RNF19A: variants seen among roughly 807,000 people sequenced by gnomAD.
The protein encoded by RNF19A is ring finger protein 19A, RBR E3 ubiquitin protein ligase, also known as E3 ubiquitin-protein ligase RNF19A.
A neutral mutation model predicts 75.7 loss-of-function variants in RNF19A; 32 were observed. The observed-to-expected ratio is 0.42, with a 90% CI of 0.32 to 0.57. The LOEUF (loss-of-function observed/expected upper bound fraction) is 0.57, where lower values mean the gene tolerates loss of function less well. Among genes scored for constraint, RNF19A ranks in the 20% least tolerant of loss-of-function variants. The probability of loss-of-function intolerance (pLI) is 0.10; values close to 1 mark genes in which losing one functional copy is unlikely to be tolerated. For missense variants in RNF19A, 782 were observed against 1,036.3 expected (o/e 0.75, Z 3.37); for synonymous variants, 335 against 345.2 (o/e 0.97, Z 0.33).
At position 100,322,645 on chromosome 8, in the gene RNF19A, G is replaced by C. The variant is rs190014154; in HGVS notation, c.-242-9273C>G. 4.4e-4 allele frequency among the ~76,000 whole-genome samples: 67 copies of C among 152,302 alleles called. No homozygotes were observed. The highest frequency in any genetic ancestry group is 7.4e-4 in the Non-Finnish European group (50 of 68,020). ...AGCTTTCAGCCTATCTCAGCTTTTG[G>C]CCTGCCTTCCTCATTAAGCTTAATC... On this transcript the variant is annotated intron_variant, in intron 1 of 3. Transcript: ENST00000519527. The surrounding 1 kb of genome is among the most constrained non-coding windows in gnomAD (Gnocchi z 5.1).
chr8:100,289,912 T>C (rs1356253112), intron 1 of RNF19A, among the ~76,000 whole-genome samples: 1 of 152,170 alleles, frequency 6.6e-6, no homozygotes, highest in Non-Finnish European at 1.5e-5. Flanking sequence ...AACTGTAGAA[T>C]GAATACATAA....
In RNF19A at chr8:100,264,612, C is replaced by A; in HGVS notation, c.1306+59G>T. The A allele has an allele frequency of 9.0e-7, 1 of 1,116,114 alleles. No individual in the cohort carries two copies. The highest frequency in any genetic ancestry group is 1.3e-6 in the Non-Finnish European group (1 of 755,516). The allele number at this position is 1,116,114 out of a possible 1,614,324, so 69.1% of individuals were successfully genotyped here. A position where few individuals can be genotyped will look rare whatever the true frequency, so the allele number is the denominator to read the frequency against. ...TAAAAAACAATTAAAAAAAATCCTT[C>A]CACAAAACTTTAACTCCATAAAATT... On this transcript the variant is annotated intron_variant, in intron 6 of 9. Transcript: ENST00000341084. This position sits in a 1 kb window ranked among gnomAD's most constrained non-coding sequence, Gnocchi z 4.7.
chr8:100,258,343 C>T lies in RNF19A; in HGVS notation c.*213G>A. 4.1e-6 allele frequency: 2 copies of T among 483,640 alleles called. No homozygotes were observed. Among genetic ancestry groups the T allele is most frequent in the East Asian group, 6.4e-5 (2 of 31,240 alleles). 30.0% of individuals were successfully genotyped at this position (483,640 alleles called of 1,614,324 possible). ...TGCTTTGCTCTTCAAATTTATTATC[C>T]TTAAAATAATGCACTTTTAAAGCCT... On this transcript the variant is annotated 3_prime_UTR_variant, in exon 10 of 10. Coordinates refer to ENST00000341084, the MANE Select transcript of RNF19A (RefSeq NM_183419.4). This position sits in a 1 kb window ranked among gnomAD's most constrained non-coding sequence, Gnocchi z 4.3.
intron 1 of RNF19A, among the ~76,000 whole-genome samples, chr8:100,308,690 A>C (rs1044699001): frequency 3.0e-5 from 2 of 66,366 alleles, no homozygotes; most frequent in African/African-American, 8.0e-5. Context: ...CATGTTCTTT[A>C]AAAAAAAAAA....
chr8:100,300,857 C>A (rs948724441), intron 1 of RNF19A, among the ~76,000 whole-genome samples: 1 of 152,006 alleles, frequency 6.6e-6, no homozygotes, highest in Admixed American at 6.5e-5. Flanking sequence ...CAAGAAGATA[C>A]AAAGAGTGAA....
chr8:100,267,066 G>A (rs1041115341), intron 5 of RNF19A, among the ~76,000 whole-genome samples: 3 of 152,148 alleles, frequency 2.0e-5, no homozygotes, highest in East Asian at 1.9e-4. Context: ...TGACTCAAAC[G>A]TAACAATTTT....
chr8:100,316,713 G>C (rs1408148983), intron 1 of RNF19A, among the ~76,000 whole-genome samples: 1 of 152,246 alleles, frequency 6.6e-6, no homozygotes, highest in Non-Finnish European at 1.5e-5. Context: ...GCTTCACCTA[G>C]TGGATCCCGC....
chr8:100,271,371 CT>C (rs1820245553), intron 3 of RNF19A, among the ~76,000 whole-genome samples: 1 of 152,102 alleles, frequency 6.6e-6, no homozygotes, highest in Non-Finnish European at 1.5e-5. Context: ...TGGGGTATGA[CT>C]AAAAAAAGCT....
chr8:100,297,379 T>C (rs1309595719), intron 1 of RNF19A, among the ~76,000 whole-genome samples: 2 of 152,200 alleles, frequency 1.3e-5, no homozygotes, highest in Non-Finnish European at 2.9e-5. Context: ...CTCTGTATCA[T>C]CTGTAAAATG....
chr8:100,295,650 T>C (rs1821520486), intron 1 of RNF19A, among the ~76,000 whole-genome samples: 1 of 152,220 alleles, frequency 6.6e-6, no homozygotes, highest in South Asian at 2.1e-4. Context: ...AATATGGCTA[T>C]GTACAATTTA....
chr8:100,261,590 C>T lies in RNF19A; in HGVS notation c.1634G>A (p.Ser545Asn). The T allele has an allele frequency of 6.2e-7, 1 of 1,614,112 alleles. No homozygotes were observed. Among genetic ancestry groups the T allele is most frequent in the African/African-American group, 1.3e-5 (1 of 75,040 alleles). The change falls in exon 8 of 10, where the codon AGT (serine) becomes AAT (asparagine). Residue 545 changes from serine to asparagine, a missense_variant. This residue lies in a region of RNF19A where 442 missense variants were observed against 541.6 expected (regional missense o/e 0.82). Transcript: ENST00000341084. This position sits in a 1 kb window ranked among gnomAD's most constrained non-coding sequence, Gnocchi z 4.4. ...ACTTCCTGACAGACTCCCCGTTATA[C>T]TGGCTCCAGCTAGTGCCATGGTGCT... The part of the protein sequence containing the change: ...TASTMALAGA[S>N]ITGSLSGSAM...
At position 100,287,037 on chromosome 8, in the gene RNF19A, T is replaced by G. The variant is rs561355489; in HGVS notation, c.674+464A>C. On this transcript the variant is annotated intron_variant, in intron 2 of 9. Coordinates refer to ENST00000341084, the MANE Select transcript of RNF19A (RefSeq NM_183419.4). This position sits in a 1 kb window ranked among gnomAD's most constrained non-coding sequence, Gnocchi z 4.1. ...GTATATCAACATGAACACATCATAC[T>G]GTGGCACATGCTAAGGTAGGTACCT... Among the ~76,000 whole-genome samples, 8 of 152,316 alleles carry G rather than the reference T, an allele frequency of 5.3e-5. No homozygotes were observed. In the East Asian group the frequency reaches 1.5e-3, roughly 29 times the overall value.
rs898807992 is a variant in RNF19A, at chr8:100,325,548, A to G, written c.-243+10560T>C. 6.6e-6 allele frequency among the ~76,000 whole-genome samples: 1 copy of G among 152,020 alleles called. No homozygotes were observed. Among genetic ancestry groups the G allele is most frequent in the African/African-American group, 2.4e-5 (1 of 41,364 alleles). On this transcript the variant is annotated intron_variant, in intron 1 of 3. Coordinates refer to the RNF19A transcript ENST00000519527. This position sits in a 1 kb window ranked among gnomAD's most constrained non-coding sequence, Gnocchi z 4.3. ...ACTTTATATGTACCCAGGAATTTGG[A>G]TCTAGTTCTCTGCCCTCAGCAGCAC...
chr8:100,280,243 C>T (rs1033956197), intron 2 of RNF19A, among the ~76,000 whole-genome samples: 8 of 152,106 alleles, frequency 5.3e-5, no homozygotes, highest in South Asian at 2.1e-4. Context: ...CATACTATGA[C>T]GGAGATACCT....
In RNF19A at chr8:100,333,844, C is replaced by T. The variant is rs1822640871; in HGVS notation, c.-243+2264G>A. Among the ~76,000 whole-genome samples the T allele has an allele frequency of 6.6e-6, 1 of 152,138 alleles. No individual in the cohort carries two copies. The highest frequency in any genetic ancestry group is 2.1e-4 in the South Asian group (1 of 4,830). ...AAACAATAACAACAAAAACCGAAAA[C>T]ACATTGTCTATCTTTATTTACGACC... On this transcript the variant is annotated intron_variant, in intron 1 of 3. Coordinates refer to the RNF19A transcript ENST00000519527. The surrounding 1 kb of genome is among the most constrained non-coding windows in gnomAD (Gnocchi z 4.7).
intron 1 of RNF19A, among the ~76,000 whole-genome samples, chr8:100,334,185 C>T (rs187737509): frequency 5.6e-4 from 86 of 152,326 alleles, no homozygotes; most frequent in Admixed American, 4.4e-3. Context: ...GCCAAACTCT[C>T]GGAGCATGTT....
At chr8:100,309,649 C>A (rs920128893) in intron 1 of RNF19A, 236 of 924,654 alleles carry the variant, frequency 2.6e-4, no homozygotes, top group Non-Finnish European at 3.0e-4. Context: ...GGTAGGGGAC[C>A]CGGAGCTGAC....
At chr8:100,301,619 T>C (rs1821832836) in intron 1 of RNF19A, among the ~76,000 whole-genome samples, 1 of 152,240 alleles carries the variant, frequency 6.6e-6, no homozygotes, top group Non-Finnish European at 1.5e-5. Flanking sequence ...TCTTCACTGC[T>C]AGTCCTACTC....
At chr8:100,310,252 T>A, upstream of RNF19A, 1 of 984,852 alleles carries the variant, frequency 1.0e-6, no homozygotes, top group Non-Finnish European at 1.2e-6. Flanking sequence ...GACGCGGCTG[T>A]TCCCTTGCGC....
Sources: gnomAD v4.1 joint callset for allele counts (sites outside exome capture counted in the v4.1 genomes callset) on GRCh38, gnomAD v4.1.1 for gene constraint, gnomAD v4.1.1 regional missense constraint, Gnocchi (gnomAD v3.1) non-coding constraint, MANE v1.5 for transcripts, NCBI Gene and HGNC (gene_info 2026-07-23, HGNC 2026-07-21) for gene names.